The following ZNF343 variants were observed in gnomAD, a reference collection of about 807,000 sequenced individuals.
ZNF343 encodes zinc finger protein 343.
Under a neutral mutation model 13.8 loss-of-function variants are expected in ZNF343, and 11 were observed. The ratio of observed to expected loss-of-function variants is 0.80; its 90% CI spans 0.50 to 1.32. The LOEUF is 1.32. Ranked by LOEUF, ZNF343 falls within the 40% of genes most tolerant of loss-of-function variation. The pLI is 0.00. For synonymous variants in ZNF343, 248 were observed against 260.0 expected (o/e 0.95, Z 0.44); for missense variants, 658 against 714.2 (o/e 0.92, Z 0.90).
chr20:2,518,159 G>A lies in ZNF343; in HGVS notation c.-347+6296C>T, dbSNP rs142415407. Reference sequence around the variant, plus strand: ...TTTCTGAGTAGCTGGGATTACAGGCGCGTGCCACCACGTCTGGCTACCTTT... The same window carrying A: ...TTTCTGAGTAGCTGGGATTACAGGCACGTGCCACCACGTCTGGCTACCTTT... On this transcript the variant is annotated intron_variant, in intron 1 of 6. Transcript: ENST00000358413. This position sits in a 1 kb window ranked among gnomAD's most constrained non-coding sequence, Gnocchi z 4.6. Among the ~76,000 whole-genome samples the A allele has an allele frequency of 2.1e-4, 32 of 152,032 alleles. No homozygotes were observed. Among genetic ancestry groups the A allele is most frequent in the South Asian group, 4.1e-4 (2 of 4,822 alleles).
intron 1 of ZNF343, among the ~76,000 whole-genome samples, chr20:2,522,210 C>T (rs2085785589): frequency 1.3e-5 from 2 of 152,162 alleles, no homozygotes; most frequent in Non-Finnish European, 2.9e-5. Flanking sequence ...GTACTGACTA[C>T]ATGGAGTCTA....
chr20:2,485,491 T>C (rs1234045168), intron 5 of ZNF343, among the ~76,000 whole-genome samples: 1 of 152,256 alleles, frequency 6.6e-6, no homozygotes, highest in Non-Finnish European at 1.5e-5. Flanking sequence ...GCCTAACTAA[T>C]GAACACTGGA....
intron 1 of ZNF343, among the ~76,000 whole-genome samples, chr20:2,504,617 T>C (rs1392484164): frequency 6.6e-6 from 1 of 152,204 alleles, no homozygotes; most frequent in Non-Finnish European, 1.5e-5. Flanking sequence ...TCAAGTGGTC[T>C]TCATCCCTGG....
chr20:2,501,326 G>A (rs1483165169), intron 1 of ZNF343, among the ~76,000 whole-genome samples: 2 of 152,208 alleles, frequency 1.3e-5, no homozygotes, highest in African/African-American at 4.8e-5. Flanking sequence ...CGAACTGGGT[G>A]AAGCCCACTG....
intron 1 of ZNF343, among the ~76,000 whole-genome samples, chr20:2,515,208 T>C (rs971427945): frequency 6.6e-6 from 1 of 152,246 alleles, no homozygotes; most frequent in African/African-American, 2.4e-5. Context: ...AATGTAAACT[T>C]TAAACAAACC....
chr20:2,483,070 T>C lies in ZNF343; in HGVS notation c.*91A>G. 2 of 1,408,968 alleles carry C rather than the reference T, an allele frequency of 1.4e-6. No individual in the cohort carries two copies. Among genetic ancestry groups the C allele is most frequent in the Non-Finnish European group, 1.9e-6 (2 of 1,037,756 alleles). The allele number at this position is 1,408,968 out of a possible 1,614,324, so 87.3% of individuals were successfully genotyped here. ...TCACTCACAATCTGTGTACACAGGG[T>C]CTACTCCCCATGTGTCTCTCTGGGG... On this transcript the variant is annotated 3_prime_UTR_variant, in exon 6 of 6. Transcript: ENST00000278772.
Position 2,493,814 on chromosome 20 carries a change from T to G in ZNF343, c.82A>C (p.Thr28Pro). 5 of 1,613,884 alleles carry G rather than the reference T, an allele frequency of 3.1e-6. No homozygotes were observed. The highest frequency in any genetic ancestry group is 4.2e-6 in the Non-Finnish European group (5 of 1,179,846). ...TGATTTTGGGTCAATTTCTTCATAG[T>G]CTCTACATTTTCCCCATTCTTTGGA... Reference protein sequence around the residue: ...LLPKNGENVETMKKLTQNHKA... With the variant: ...LLPKNGENVEPMKKLTQNHKA... Residue 28 changes from threonine to proline, a missense_variant, in exon 3 of 6, where the codon ACT (threonine) becomes CCT (proline). Coordinates refer to ENST00000278772, the MANE Select transcript of ZNF343 (RefSeq NM_024325.6).
At chr20:2,514,422 A>G (rs1352886181) in intron 1 of ZNF343, among the ~76,000 whole-genome samples, 3 of 152,238 alleles carry the variant, frequency 2.0e-5, no homozygotes, top group African/African-American at 7.2e-5. Flanking sequence ...AAAGGATTCA[A>G]AAGTACTTAA....
chr20:2,509,896 G>A (rs567259169), upstream of ZNF343, among the ~76,000 whole-genome samples: 5 of 152,228 alleles, frequency 3.3e-5, no homozygotes, highest in East Asian at 7.7e-4. Context: ...CTATGTATAA[G>A]TGCTCCTTTG....
intron 1 of ZNF343, among the ~76,000 whole-genome samples, chr20:2,517,302 C>T (rs943444834): frequency 6.6e-6 from 1 of 151,800 alleles, no homozygotes; most frequent in African/African-American, 2.4e-5. Context: ...TATGTATACA[C>T]ACACACAGGT....
At chr20:2,493,336 G>A (rs896250211) in intron 4 of ZNF343, among the ~76,000 whole-genome samples, 183 bp downstream of exon 4, 4 of 152,028 alleles carry the variant, frequency 2.6e-5, no homozygotes, top group Non-Finnish European at 5.9e-5. Flanking sequence ...GTTACTAAAT[G>A]GGATCTGTAA....
Position 2,482,926 on chromosome 20 carries a change from C to G in ZNF343, c.*235G>C. 1.8e-6 allele frequency: 1 copy of G among 547,026 alleles called. No individual in the cohort carries two copies. The highest frequency in any genetic ancestry group is 3.3e-5 in the Admixed American group (1 of 30,492). 33.9% of individuals were successfully genotyped at this position (547,026 alleles called of 1,614,324 possible). On this transcript the variant is annotated 3_prime_UTR_variant, in exon 6 of 6. Transcript: ENST00000278772. ...CATAAACTTCTCTCCTAAGTGTGTC[C>G]TTTTGTGCATGCTCAAGGCTGACTG...
chr20:2,489,674 A>C (rs914390612), intron 5 of ZNF343, among the ~76,000 whole-genome samples: 3 of 152,240 alleles, frequency 2.0e-5, no homozygotes, highest in African/African-American at 7.2e-5. Context: ...AATGTGAGAA[A>C]TGAGCATTTG....
At chr20:2,514,682 G>T (rs2085751488) in intron 1 of ZNF343, among the ~76,000 whole-genome samples, 1 of 152,072 alleles carries the variant, frequency 6.6e-6, no homozygotes, top group Non-Finnish European at 1.5e-5. Context: ...TGTGTTTAAT[G>T]AATTAGAAGC....
chr20:2,490,542 T>G (rs6049487), intron 5 of ZNF343, among the ~76,000 whole-genome samples: 29,462 of 149,718 alleles, frequency 0.2, 3,163 homozygotes, highest in South Asian at 0.27. Flanking sequence ...TTTTGGTTTT[T>G]GTTTTTTTTT....
chr20:2,512,397 C>A (rs1053332066), upstream of ZNF343, among the ~76,000 whole-genome samples: 2 of 152,224 alleles, frequency 1.3e-5, no homozygotes, highest in African/African-American at 2.4e-5. Context: ...GGAGGACTCA[C>A]TCTTCTTAAT....
Position 2,484,602 on chromosome 20 carries a change from C to G in ZNF343, c.359G>C (p.Cys120Ser), listed in dbSNP as rs1455022771. 6.2e-7 allele frequency: 1 copy of G among 1,613,118 alleles called. No homozygotes were observed. Among genetic ancestry groups the G allele is most frequent in the Non-Finnish European group, 8.5e-7 (1 of 1,179,516 alleles). ...TACATGTTGACTGAGGAACTGCTGA[C>G]AGGAGAAGGCCAGAAGGCAGGAGGA... Reference protein sequence around the residue: ...TCSSCLLAFSCQQFLSQHVLQ... With the variant: ...TCSSCLLAFSSQQFLSQHVLQ... Residue 120 changes from cysteine to serine, a missense_variant, in exon 6 of 6, where the codon TGT becomes TCT. By Grantham distance (112) the Cys-to-Ser change is moderately radical. Transcript: ENST00000278772.
intron 1 of ZNF343, among the ~76,000 whole-genome samples, chr20:2,504,830 C>T (rs1031334803): frequency 5.9e-5 from 9 of 152,122 alleles, no homozygotes; most frequent in African/African-American, 1.9e-4. Flanking sequence ...CAATGACAAA[C>T]CCACAGCCAA....
chr20:2,524,360 AACTC>A (rs2122769483), intron 1 of ZNF343: 1 of 152,370 alleles, frequency 6.6e-6, no homozygotes, highest in Non-Finnish European at 1.5e-5. Flanking sequence ...AAGTCGCTCT[AACTC>A]ACAACAAATG....
Sources: allele counts gnomAD v4.1 joint callset (sites outside exome capture counted in the v4.1 genomes callset), GRCh38; gene constraint gnomAD v4.1.1; non-coding constraint Gnocchi (gnomAD v3.1); transcripts MANE v1.5; gene names NCBI Gene and HGNC (gene_info 2026-07-23, HGNC 2026-07-21).